Variants in CAST observed in about 807,000 individuals in gnomAD.
CAST encodes the protein calpastatin.
Under a neutral mutation model 119.6 loss-of-function variants are expected in CAST, and 76 were observed. That is an observed-to-expected ratio of 0.64 (90% CI 0.53 to 0.77). CAST has a LOEUF of 0.77. Ranked by LOEUF, CAST falls within the 30% of genes least tolerant of loss-of-function variation. CAST has a pLI of 0.00. For missense variants in CAST, 953 were observed against 946.5 expected (o/e 1.01, Z -0.09); for synonymous variants, 319 against 331.6 (o/e 0.96, Z 0.41).
chr5:96,513,833 C>G, the CAST span, among the ~76,000 whole-genome samples: 6 of 152,186 alleles, frequency 3.9e-5, no homozygotes, highest in Admixed American at 6.5e-5. Flanking sequence ...TCTCGCCGTC[C>G]TAGAGGTTAG....
chr5:96,404,882 TAA>T, the CAST span, among the ~76,000 whole-genome samples: 3,069 of 152,288 alleles, frequency 0.02, 41 homozygotes, highest in Non-Finnish European at 0.026. Flanking sequence ...ATATTGTATA[TAA>T]AGAGGCCAGC....
the CAST span, among the ~76,000 whole-genome samples, chr5:96,401,345 G>A: frequency 6.6e-6 from 1 of 152,154 alleles, no homozygotes; most frequent in Non-Finnish European, 1.5e-5. Context: ...ACCAAAGTGG[G>A]ACAGTACAGG....
the CAST span, among the ~76,000 whole-genome samples, chr5:96,502,823 A>C: frequency 1.3e-5 from 2 of 152,074 alleles, no homozygotes; most frequent in Non-Finnish European, 2.9e-5. Context: ...TATGACTCCA[A>C]CTCACTTCTT....
the CAST span, among the ~76,000 whole-genome samples, chr5:96,212,983 G>A: frequency 6.6e-6 from 1 of 152,108 alleles, no homozygotes; most frequent in African/African-American, 2.4e-5. Context: ...GCCGGGCATG[G>A]TGGTGCACAC....
chr5:96,752,998 AT>A (rs549504641), intron 20 of CAST, among the ~76,000 whole-genome samples: 15,543 of 139,884 alleles, frequency 0.11, 1,018 homozygotes, highest in African/African-American at 0.19. Context: ...ACACTCTTAC[AT>A]TTTTTTTTTT....
the CAST span, among the ~76,000 whole-genome samples, chr5:96,293,727 T>C: frequency 1.3e-5 from 2 of 152,152 alleles, no homozygotes; most frequent in African/African-American, 2.4e-5. Flanking sequence ...CATCGTCATA[T>C]AGTGATGCAT....
the CAST span, among the ~76,000 whole-genome samples, chr5:96,393,829 C>A: frequency 6.6e-6 from 1 of 152,158 alleles, no homozygotes; most frequent in Non-Finnish European, 1.5e-5. Context: ...TTCAGAACTA[C>A]CCTTTTAGCC....
chr5:96,562,033 C>A (rs1382437235), intron 1 of CAST, among the ~76,000 whole-genome samples: 4 of 150,928 alleles, frequency 2.7e-5, no homozygotes, highest in Non-Finnish European at 5.9e-5. Context: ...ACCTCGTGAT[C>A]CGCCCGCCTC....
At chr5:96,020,648 C>A in the CAST span, among the ~76,000 whole-genome samples, 1 of 152,176 alleles carries the variant, frequency 6.6e-6, no homozygotes, top group Non-Finnish European at 1.5e-5. Context: ...CTGTCACTGT[C>A]TCCCATTACC....
the CAST span, among the ~76,000 whole-genome samples, chr5:96,234,809 G>A: frequency 1.3e-5 from 2 of 152,124 alleles, no homozygotes; most frequent in African/African-American, 4.8e-5. Context: ...GGAGGTGTGT[G>A]TGGGTTGTGT....
At chr5:96,587,914 ATC>A (rs1304656396) in intron 1 of CAST, among the ~76,000 whole-genome samples, 1 of 152,164 alleles carries the variant, frequency 6.6e-6, no homozygotes, top group African/African-American at 2.4e-5. Flanking sequence ...AAAAATAATT[ATC>A]TCTATGAGAT....
chr5:96,301,920 C>T, the CAST span, among the ~76,000 whole-genome samples: 1,426 of 152,248 alleles, frequency 9.4e-3, 27 homozygotes, highest in African/African-American at 0.033. Context: ...TTCATAGCTC[C>T]GCTAGGCATT....
the CAST span, among the ~76,000 whole-genome samples, chr5:96,450,019 C>A: frequency 6.6e-6 from 1 of 152,136 alleles, no homozygotes; most frequent in South Asian, 2.1e-4. Flanking sequence ...TCTCAAAGAA[C>A]TAAAAATAGA....
chr5:96,499,554 G>A, the CAST span, among the ~76,000 whole-genome samples: 1 of 152,164 alleles, frequency 6.6e-6, no homozygotes. Context: ...TCAGGGTGGT[G>A]ATTGCTGAAG....
the CAST span, among the ~76,000 whole-genome samples, chr5:96,210,611 A>G: frequency 1.3e-5 from 2 of 152,076 alleles, no homozygotes; most frequent in East Asian, 3.9e-4. Context: ...AAGTCTTGAA[A>G]TTAAAAAGAC....
At chr5:96,753,943 T>C in intron 20 of CAST, 117 bp from the exon 21 acceptor site, 1 of 652,992 alleles carries the variant, frequency 1.5e-6, no homozygotes, top group Non-Finnish European at 2.8e-6. Context: ...CTCGAGTTAT[T>C]AAAAGATAGC....
the CAST span, among the ~76,000 whole-genome samples, chr5:96,017,982 G>C: frequency 6.6e-6 from 1 of 152,058 alleles, no homozygotes; most frequent in Non-Finnish European, 1.5e-5. Context: ...AGCCCAGATG[G>C]TTATTTAAGT....
At chr5:96,397,954 A>C in the CAST span, among the ~76,000 whole-genome samples, 1 of 151,942 alleles carries the variant, frequency 6.6e-6, no homozygotes, top group Non-Finnish European at 1.5e-5. Flanking sequence ...ATAATTATTT[A>C]ATTAATGTAT....
chr5:96,435,698 A>T, the CAST span, among the ~76,000 whole-genome samples: 5 of 152,314 alleles, frequency 3.3e-5, no homozygotes, highest in East Asian at 7.7e-4. Flanking sequence ...AATTAAGAGG[A>T]CGTGTTTCCA....
Sources: allele counts gnomAD v4.1 joint callset (sites outside exome capture counted in the v4.1 genomes callset), GRCh38; gene constraint gnomAD v4.1.1; transcripts MANE v1.5; gene names NCBI Gene and HGNC (gene_info 2026-07-23, HGNC 2026-07-21).